ESRRB: variants seen among roughly 807,000 people sequenced by gnomAD.
ESRRB encodes the protein estrogen related receptor beta, also known as steroid hormone receptor ERR2.
ESRRB carries 16 observed loss-of-function variants against 46.0 expected under a neutral mutation model. The observed-to-expected ratio is 0.35, with a 90% CI of 0.24 to 0.53. The LOEUF (loss-of-function observed/expected upper bound fraction) is 0.53, where lower values mean the gene tolerates loss of function less well. Among genes scored for constraint, ESRRB ranks in the 20% least tolerant of loss-of-function variants. The probability of loss-of-function intolerance (pLI) is 0.93; values close to 1 mark genes in which losing one functional copy is unlikely to be tolerated. For synonymous variants in ESRRB, 246 were observed against 259.6 expected, an observed-to-expected ratio of 0.95 and a Z score of 0.50; for missense variants, 488 against 607.4, an observed-to-expected ratio of 0.80 and a Z score of 2.07.
chr14:76,463,791 G>A (rs979363392), intron 3 of ESRRB, among the ~76,000 whole-genome samples: 1 of 151,988 alleles, frequency 6.6e-6, no homozygotes, highest in African/African-American at 2.4e-5. Context: ...AATTTGAAAT[G>A]ACACGTAGCT....
intron 1 of ESRRB, among the ~76,000 whole-genome samples, chr14:76,433,740 G>A (rs754989748): frequency 6.6e-6 from 1 of 152,132 alleles, no homozygotes; most frequent in Non-Finnish European, 1.5e-5. Flanking sequence ...CCTGGCTGTG[G>A]TGAATGTCCC....
chr14:76,357,672 T>G (rs532130012), intron 1 of ESRRB, among the ~76,000 whole-genome samples: 3 of 152,256 alleles, frequency 2.0e-5, no homozygotes, highest in South Asian at 4.1e-4. Flanking sequence ...ACCACCATGC[T>G]TGGCTAAATT....
At chr14:76,378,406 G>A (rs1884869261) in intron 1 of ESRRB, among the ~76,000 whole-genome samples, 1 of 152,218 alleles carries the variant, frequency 6.6e-6, no homozygotes, top group South Asian at 2.1e-4. Flanking sequence ...AAGTCAGGGA[G>A]CTGAGGTCCT....
At chr14:76,487,161 C>G (rs118060888) in intron 5 of ESRRB, among the ~76,000 whole-genome samples, 2 of 152,138 alleles carry the variant, frequency 1.3e-5, no homozygotes, top group African/African-American at 4.8e-5. Context: ...TGCTTTACAC[C>G]TGCTTTTTCC....
intron 2 of ESRRB, among the ~76,000 whole-genome samples, chr14:76,459,611 T>C (rs78917359): frequency 6.6e-6 from 1 of 152,112 alleles, no homozygotes; most frequent in African/African-American, 2.4e-5. Flanking sequence ...TAAGCCAAGA[T>C]AAAAGCTTGA....
At chr14:76,422,218 T>G (rs1271392612) in intron 1 of ESRRB, among the ~76,000 whole-genome samples, 163 of 146,036 alleles carry the variant, frequency 1.1e-3, no homozygotes, top group African/African-American at 4.0e-3. Context: ...TTTTTTTTTT[T>G]TTTTTTTTTT....
At chr14:76,340,547 T>A (rs536634220) in intron 1 of ESRRB, among the ~76,000 whole-genome samples, 1 of 152,186 alleles carries the variant, frequency 6.6e-6, no homozygotes, top group Non-Finnish European at 1.5e-5. Context: ...TTCTACCTCC[T>A]GGTAGGATTG....
chr14:76,414,659 T>C (rs1054577726), intron 1 of ESRRB, among the ~76,000 whole-genome samples: 3 of 135,368 alleles, frequency 2.2e-5, no homozygotes, highest in South Asian at 2.4e-4. Flanking sequence ...GCTGTTTTTG[T>C]TTGTTCCTTA....
intron 6 of ESRRB, among the ~76,000 whole-genome samples, chr14:76,492,756 AAGG>A (rs772735488): frequency 6.6e-6 from 1 of 152,206 alleles, no homozygotes; most frequent in Non-Finnish European, 1.5e-5. Context: ...TGGAGTTACA[AAGG>A]AGGACTCACT....
chr14:76,315,299 G>A (rs1883786294), intron 1 of ESRRB, among the ~76,000 whole-genome samples: 1 of 151,250 alleles, frequency 6.6e-6, no homozygotes, highest in Non-Finnish European at 1.5e-5. Flanking sequence ...TCCCTCATTA[G>A]GCCAGGAGCT....
intron 1 of ESRRB, among the ~76,000 whole-genome samples, chr14:76,337,839 G>T (rs1884145746): frequency 6.6e-6 from 1 of 152,214 alleles, no homozygotes; most frequent in South Asian, 2.1e-4. Context: ...CCTCAGGTAG[G>T]AGTCCCTGAC....
intron 1 of ESRRB, among the ~76,000 whole-genome samples, chr14:76,397,277 G>A (rs1885729863): frequency 6.6e-6 from 1 of 152,198 alleles, no homozygotes; most frequent in African/African-American, 2.4e-5. Flanking sequence ...CTCAGGAGGG[G>A]GCTTGTAGAG....
At chr14:76,419,182 T>C (rs1338733908) in intron 1 of ESRRB, among the ~76,000 whole-genome samples, 2 of 151,932 alleles carry the variant, frequency 1.3e-5, no homozygotes, top group East Asian at 3.9e-4. Context: ...GCCTGGCTAA[T>C]TTTTACATTT....
At chr14:76,478,305 C>G (rs980412267) in intron 3 of ESRRB, among the ~76,000 whole-genome samples, 2 of 152,128 alleles carry the variant, frequency 1.3e-5, no homozygotes, top group Non-Finnish European at 2.9e-5. Flanking sequence ...ACATCCACCC[C>G]TGTATTCATC....
chr14:76,485,180 C>T (rs116218622), intron 5 of ESRRB, among the ~76,000 whole-genome samples: 2,314 of 151,740 alleles, frequency 0.015, 58 homozygotes, highest in African/African-American at 0.054. Context: ...AGTGGAGTCT[C>T]CTGCCACTGC....
In ESRRB at chr14:76,462,591, C is replaced by T; in HGVS notation, c.507C>T (p.Thr169=). The change falls in exon 3 of 7, where the codon ACC becomes ACT. Residue 169 remains threonine, a synonymous_variant. Transcript: ENST00000644823. ...SCPATNECEI[T]KRRRKSCQAC... ...CGGCCACCAACGAGTGCGAGATCAC[C>T]AAACGGAGGCGCAAGTCCTGCCAGG... is the stretch of plus-strand genomic sequence containing the variant. The T allele has an allele frequency of 6.2e-7, 1 of 1,614,156 alleles. No individual in the cohort carries two copies. The highest frequency in any genetic ancestry group is 8.5e-7 in the Non-Finnish European group (1 of 1,180,020).
At chr14:76,354,488 A>G (rs1012808688) in intron 1 of ESRRB, among the ~76,000 whole-genome samples, 6 of 151,866 alleles carry the variant, frequency 4.0e-5, no homozygotes, top group African/African-American at 1.5e-4. Flanking sequence ...CATTAGTCCC[A>G]TTTTACAGAT....
At chr14:76,311,510 C>T (rs1002011221) in intron 1 of ESRRB, among the ~76,000 whole-genome samples, 25 of 152,204 alleles carry the variant, frequency 1.6e-4, no homozygotes, top group Admixed American at 3.3e-4. Flanking sequence ...CTCCCCTCCG[C>T]GGAGCAAGTT....
chr14:76,335,591 G>C (rs965159455), intron 1 of ESRRB, among the ~76,000 whole-genome samples: 2 of 152,208 alleles, frequency 1.3e-5, no homozygotes, highest in African/African-American at 4.8e-5. Context: ...AAACAAACCA[G>C]CAGGTGCTCC....
Sources: gnomAD v4.1 joint callset for allele counts (sites outside exome capture counted in the v4.1 genomes callset) on GRCh38, gnomAD v4.1.1 for gene constraint, MANE v1.5 for transcripts, NCBI Gene and HGNC (gene_info 2026-07-23, HGNC 2026-07-21) for gene names.